Variants in SRGAP1 observed in about 807,000 individuals in gnomAD.
SRGAP1 encodes SLIT-ROBO Rho GTPase-activating protein 1.
Under a neutral mutation model 121.9 loss-of-function variants are expected in SRGAP1, and 43 were observed. The observed-to-expected ratio is 0.35, with a 90% CI of 0.28 to 0.46. The LOEUF is 0.46. Among genes scored for constraint, SRGAP1 ranks in the 20% least tolerant of loss-of-function variants. The pLI is 1.00. For synonymous variants in SRGAP1, 447 were observed against 485.4 expected (o/e 0.92, Z 1.04); for missense variants, 1,102 against 1,350.9 (o/e 0.82, Z 2.89).
intron 1 of SRGAP1, among the ~76,000 whole-genome samples, chr12:63,982,160 G>A (rs532393983): frequency 2.0e-5 from 3 of 151,848 alleles, no homozygotes; most frequent in Non-Finnish European, 4.4e-5. Flanking sequence ...GCAGTGAGCC[G>A]AGATCGCGCC....
intron 1 of SRGAP1, among the ~76,000 whole-genome samples, chr12:63,882,882 A>G (rs915061988): frequency 6.6e-6 from 1 of 152,230 alleles, no homozygotes; most frequent in African/African-American, 2.4e-5. Context: ...GACATTTCAT[A>G]AAGGAGCTTT....
chr12:63,868,859 A>G (rs977925197), intron 1 of SRGAP1, among the ~76,000 whole-genome samples: 4 of 152,154 alleles, frequency 2.6e-5, no homozygotes, highest in African/African-American at 9.7e-5. Context: ...GAGAAGATCT[A>G]GTTTTAGTTT....
intron 4 of SRGAP1, among the ~76,000 whole-genome samples, chr12:64,029,923 GAATA>G (rs71434043): frequency 2.7e-5 from 4 of 150,742 alleles, no homozygotes; most frequent in South Asian, 2.1e-4. Context: ...ATAAATAAAT[GAATA>G]AATAAATAAA....
chr12:63,884,047 G>GC (rs113805813), intron 1 of SRGAP1, among the ~76,000 whole-genome samples: 151,472 of 151,476 alleles, frequency 1, 75,734 homozygotes, highest in Non-Finnish European at 1. Flanking sequence ...ACTTCGGGAG[G>GC]CTAGGCGGGC....
chr12:63,897,548 A>G (rs1272968557), intron 1 of SRGAP1, among the ~76,000 whole-genome samples: 1 of 152,232 alleles, frequency 6.6e-6, no homozygotes, highest in Non-Finnish European at 1.5e-5. Context: ...AAAGGAATTC[A>G]GTTAGCCTTC....
chr12:64,155,452 G>C lies in SRGAP1; in HGVS notation c.*12780G>C, dbSNP rs1286163294. On this transcript the variant is annotated 3_prime_UTR_variant, in exon 22 of 22. Transcript: ENST00000355086. ...CCAGCTGTTCGGGAGGCTGAGGCAG[G>C]AGAATTGCTTGAACCAGGGAGGTGG... 6.6e-6 allele frequency: 1 copy of C among 151,336 alleles called. No individual in the cohort carries two copies. Among genetic ancestry groups the C allele is most frequent in the Non-Finnish European group, 1.5e-5 (1 of 67,946 alleles). 9.4% of individuals were successfully genotyped at this position (151,336 alleles called of 1,614,324 possible). A position where few individuals can be genotyped will look rare whatever the true frequency, so the allele number is the denominator to read the frequency against.
intron 1 of SRGAP1, among the ~76,000 whole-genome samples, chr12:63,969,799 GA>G (rs899811117): frequency 6.8e-4 from 86 of 127,370 alleles, no homozygotes; most frequent in African/African-American, 1.0e-3. Context: ...GTCTCAAAAA[GA>G]AAAAAAAAAA....
At chr12:64,071,670 C>T (rs1433974466) in intron 8 of SRGAP1, among the ~76,000 whole-genome samples, 1 of 152,156 alleles carries the variant, frequency 6.6e-6, no homozygotes, top group Non-Finnish European at 1.5e-5. Flanking sequence ...TTCTGAGACA[C>T]AGCTGAAGGC....
chr12:63,965,563 T>C (rs1467659417), intron 1 of SRGAP1, among the ~76,000 whole-genome samples: 1 of 152,114 alleles, frequency 6.6e-6, no homozygotes, highest in Non-Finnish European at 1.5e-5. Context: ...CCCAGCACTT[T>C]GTTAGGCTGA....
chr12:64,091,529 G>A (rs142458699), intron 12 of SRGAP1, 151 bp downstream of exon 12: 1,865 of 542,350 alleles, frequency 3.4e-3, no homozygotes, highest in Non-Finnish European at 4.6e-3. Flanking sequence ...CCTGAAGTCA[G>A]AGAGGAAAGA....
At chr12:64,051,790 T>G (rs1189649673) in intron 6 of SRGAP1, among the ~76,000 whole-genome samples, 2 of 152,100 alleles carry the variant, frequency 1.3e-5, no homozygotes, top group Non-Finnish European at 2.9e-5. Flanking sequence ...CTCTCTCTCT[T>G]TTTCTCTGTA....
intron 1 of SRGAP1, among the ~76,000 whole-genome samples, chr12:63,874,318 G>A (rs953402833): frequency 1.3e-5 from 2 of 151,434 alleles, no homozygotes; most frequent in African/African-American, 2.4e-5. Flanking sequence ...ATTCTCCTGC[G>A]TCATCCTCCC....
chr12:63,890,616 G>A (rs1900547665), intron 1 of SRGAP1, among the ~76,000 whole-genome samples: 5 of 152,106 alleles, frequency 3.3e-5, no homozygotes, highest in South Asian at 4.1e-4. Flanking sequence ...CCTCTCCTCC[G>A]CAGTGACCAG....
chr12:63,844,786 C>T lies in SRGAP1; in HGVS notation c.-31C>T, dbSNP rs752437346. 3 of 1,612,308 alleles carry T rather than the reference C, an allele frequency of 1.9e-6. No individual in the cohort carries two copies. The highest frequency in any genetic ancestry group is 1.7e-4 in the Middle Eastern group (1 of 6,058). On this transcript the variant is annotated 5_prime_UTR_variant, in exon 1 of 22. Transcript: ENST00000355086. This position sits in a 1 kb window ranked among gnomAD's most constrained non-coding sequence, Gnocchi z 4.3. ...GTTGTGACCACTGAACAAAACTTGC[C>T]CATTGAAAGCAAACCCGGAACAGCT...
At chr12:63,872,407 C>G (rs1201171637) in intron 1 of SRGAP1, among the ~76,000 whole-genome samples, 1 of 152,100 alleles carries the variant, frequency 6.6e-6, no homozygotes, top group Non-Finnish European at 1.5e-5. Flanking sequence ...GGGCTACGAC[C>G]CCACACTTGC....
chr12:64,109,300 G>A (rs2036395515), intron 16 of SRGAP1, among the ~76,000 whole-genome samples: 1 of 152,080 alleles, frequency 6.6e-6, no homozygotes, highest in African/African-American at 2.4e-5. Flanking sequence ...CAACTTTTCA[G>A]TGAGAAGTGT....
intron 1 of SRGAP1, among the ~76,000 whole-genome samples, chr12:63,950,908 A>C (rs527456896): frequency 6.8e-6 from 1 of 145,994 alleles, no homozygotes. Flanking sequence ...CACCCCCATT[A>C]TGCATTAGTT....
Position 64,063,045 on chromosome 12 carries a change from G to C in SRGAP1, c.930G>C (p.Glu310Asp). 1 of 1,614,058 alleles carries C rather than the reference G, an allele frequency of 6.2e-7. No homozygotes were observed. ...DIIENAVDNL[E>D]PRSDKQRFME... ...TTGAGAATGCAGTTGATAATTTAGA[G>C]CCCAGGAGCGATAAGCAGAGATTCA... The change falls in exon 7 of 22, where the codon GAG becomes GAC. Residue 310 changes from glutamate (E) to aspartate (D), a missense_variant. Glu to Asp is a conservative substitution (Grantham distance 45, BLOSUM62 2). Coordinates refer to ENST00000355086, the MANE Select transcript of SRGAP1 (RefSeq NM_020762.4).
chr12:63,928,082 T>C (rs1352866221), intron 1 of SRGAP1, among the ~76,000 whole-genome samples: 1 of 152,136 alleles, frequency 6.6e-6, no homozygotes, highest in African/African-American at 2.4e-5. Context: ...GTTTTGTTAG[T>C]GTTGATGATG....
Sources: gnomAD v4.1 joint callset for allele counts (sites outside exome capture counted in the v4.1 genomes callset) on GRCh38, gnomAD v4.1.1 for gene constraint, Gnocchi (gnomAD v3.1) non-coding constraint, MANE v1.5 for transcripts, NCBI Gene and HGNC (gene_info 2026-07-23, HGNC 2026-07-21) for gene names.